AIFM2: variants seen among roughly 807,000 people sequenced by gnomAD.
AIFM2 encodes the protein ferroptosis suppressor protein 1.
Under a neutral mutation model 35.7 loss-of-function variants are expected in AIFM2, and 38 were observed. That is an observed-to-expected ratio of 1.06 (90% CI 0.82 to 1.39). The LOEUF (loss-of-function observed/expected upper bound fraction) is 1.39, where lower values mean the gene tolerates loss of function less well. Ranked by LOEUF, AIFM2 falls within the 40% of genes most tolerant of loss-of-function variation. The probability of loss-of-function intolerance (pLI) is 0.00; values close to 1 mark genes in which losing one functional copy is unlikely to be tolerated. For missense variants in AIFM2, 476 were observed against 491.2 expected (o/e 0.97, Z 0.29); for synonymous variants, 185 against 203.5 (o/e 0.91, Z 0.77).
At position 70,132,807 on chromosome 10, in the gene AIFM2, G is replaced by A. The variant is rs1392171447; in HGVS notation, c.-87C>T. 1 of 151,934 alleles carries A rather than the reference G, an allele frequency of 6.6e-6. No individual in the cohort carries two copies. Among genetic ancestry groups the A allele is most frequent in the African/African-American group, 2.5e-5 (1 of 40,564 alleles). The allele number at this position is 151,934 out of a possible 1,614,324, so 9.4% of individuals were successfully genotyped here. On this transcript the variant is annotated 5_prime_UTR_variant, in exon 1 of 9. Coordinates refer to ENST00000307864, the MANE Select transcript of AIFM2 (RefSeq NM_032797.6). ...CGCTCCCGCTTGGTCGTCTTCCCGAGTTACTGACCCGAGGCGCTCCCGGGC... is the reference window on the plus strand; with the variant it reads ...CGCTCCCGCTTGGTCGTCTTCCCGAATTACTGACCCGAGGCGCTCCCGGGC...
At chr10:70,126,419 C>T (rs2072566565) in intron 1 of AIFM2, among the ~76,000 whole-genome samples, 1 of 152,176 alleles carries the variant, frequency 6.6e-6, no homozygotes, top group Non-Finnish European at 1.5e-5. Context: ...GAAGGATAGA[C>T]ATCAAGCCAC....
At chr10:70,118,675 G>A (rs2072464853) in intron 5 of AIFM2, among the ~76,000 whole-genome samples, 1 of 152,208 alleles carries the variant, frequency 6.6e-6, no homozygotes, top group African/African-American at 2.4e-5. Context: ...GAAATAAGAA[G>A]AAAAGTATAT....
intron 3 of AIFM2, among the ~76,000 whole-genome samples, chr10:70,122,732 T>C (rs1052794168): frequency 2.0e-5 from 3 of 152,214 alleles, no homozygotes; most frequent in African/African-American, 4.8e-5. Context: ...TGGGCTAAAA[T>C]TGCATGGGTT....
At position 70,121,037 on chromosome 10, in the gene AIFM2, C is replaced by T. The variant is rs553698745; in HGVS notation, c.414+55G>A. ...TCCCAGCTGCAGGCCTAGGCATCCC[C>T]AAGGCTGTCCTTCCATCTGCCCACA... On this transcript the variant is annotated intron_variant, in intron 4 of 8. Coordinates refer to ENST00000307864, the MANE Select transcript of AIFM2 (RefSeq NM_032797.6). The T allele has an allele frequency of 4.1e-5, 65 of 1,585,472 alleles. No individual in the cohort carries two copies. In the African/African-American group the frequency reaches 7.5e-4, roughly 18 times the overall value.
chr10:70,115,083 G>A lies in AIFM2; in HGVS notation c.807C>T (p.Asn269=), dbSNP rs374671076. The change falls in exon 8 of 9, where the codon AAC becomes AAT. Residue 269 remains asparagine (N), a synonymous_variant. Coordinates refer to ENST00000307864, the MANE Select transcript of AIFM2 (RefSeq NM_032797.6). ...RLASSGALRV[N]EHLQVEGHSN... ...TGTGGCCCTCCACCTGGAGGTGCTC[G>A]TTCACTCTCAGAGCACCACTGCTGG... 6 of 1,613,928 alleles carry A rather than the reference G, an allele frequency of 3.7e-6. No individual in the cohort carries two copies. The highest frequency in any genetic ancestry group is 2.7e-5 in the African/African-American group (2 of 75,040).
chr10:70,120,735 C>T (rs967043129), intron 4 of AIFM2, 136 bp from the exon 5 acceptor site: 14 of 947,148 alleles, frequency 1.5e-5, no homozygotes, highest in Non-Finnish European at 2.0e-5. Flanking sequence ...TGAGTCCAAA[C>T]GTGCTTCCTC....
chr10:70,119,406 G>A (rs1343019937), intron 5 of AIFM2, among the ~76,000 whole-genome samples: 3 of 152,280 alleles, frequency 2.0e-5, no homozygotes, highest in East Asian at 1.9e-4. Flanking sequence ...GGGCAGGATC[G>A]TGGGACTGAG....
Position 70,117,709 on chromosome 10 carries a change from G to A in AIFM2, c.616+103C>T. On this transcript the variant is annotated intron_variant, in intron 6 of 8. Transcript: ENST00000307864. This position sits in a 1 kb window ranked among gnomAD's most constrained non-coding sequence, Gnocchi z 4.7. ...GACACAGTGGAAAAGAGAGAGCCTG[G>A]GGTGGACCATAGCCACCCTCCTGCT... 1.1e-6 allele frequency: 1 copy of A among 896,620 alleles called. No homozygotes were observed. Among genetic ancestry groups the A allele is most frequent in the Non-Finnish European group, 1.7e-6 (1 of 591,540 alleles). The allele number at this position is 896,620 out of a possible 1,614,324, so 55.5% of individuals were successfully genotyped here.
chr10:70,114,331 T>C lies in AIFM2; in HGVS notation c.971-2A>G. The C allele has an allele frequency of 6.2e-7, 1 of 1,613,862 alleles. No homozygotes were observed. Among genetic ancestry groups the C allele is most frequent in the South Asian group, 1.1e-5 (1 of 91,064 alleles). On this transcript the variant is annotated splice_acceptor_variant, in intron 8 of 8. Coordinates refer to ENST00000307864, the MANE Select transcript of AIFM2 (RefSeq NM_032797.6). LOFTEE classifies it high-confidence loss of function. The stretch of plus-strand genomic sequence containing the variant: ...TGGACAGGAGGAACGTCAGTGCACC[T>C]GCAAGCAGAGACACAGAAACAACCA...
At position 70,117,963 on chromosome 10, in the gene AIFM2, G is replaced by T; in HGVS notation, c.508-43C>A. On this transcript the variant is annotated intron_variant, in intron 5 of 8. Coordinates refer to ENST00000307864, the MANE Select transcript of AIFM2 (RefSeq NM_032797.6). The surrounding 1 kb of genome is among the most constrained non-coding windows in gnomAD (Gnocchi z 4.7). ...ACAGGGCCTGAGAAGGAGCCCCCAA[G>T]TCTTCAAACACAATCATTGCACGAA... is the stretch of plus-strand genomic sequence containing the variant. 7.0e-7 allele frequency: 1 copy of T among 1,426,074 alleles called. No homozygotes were observed. Among genetic ancestry groups the T allele is most frequent in the Non-Finnish European group, 9.8e-7 (1 of 1,017,276 alleles). 88.3% of individuals were successfully genotyped at this position (1,426,074 alleles called of 1,614,324 possible).
chr10:70,117,093 G>A lies in AIFM2; in HGVS notation c.617-319C>T, dbSNP rs1044189731. On this transcript the variant is annotated intron_variant, in intron 6 of 8. Coordinates refer to ENST00000307864, the MANE Select transcript of AIFM2 (RefSeq NM_032797.6). The surrounding 1 kb of genome is among the most constrained non-coding windows in gnomAD (Gnocchi z 4.7). ...GACGCGCCTCTTATGAGTGCCAGCC[G>A]TGCCATCCTAACTAGGCAGGACGAG... is the stretch of plus-strand genomic sequence containing the variant. 1.3e-5 allele frequency among the ~76,000 whole-genome samples: 2 copies of A among 152,192 alleles called. No homozygotes were observed. Among genetic ancestry groups the A allele is most frequent in the African/African-American group, 2.4e-5 (1 of 41,458 alleles).
intron 8 of AIFM2, 34 bp downstream of exon 8, chr10:70,114,884 CTA>C: frequency 6.2e-7 from 1 of 1,607,794 alleles, no homozygotes; most frequent in Non-Finnish European, 8.5e-7. Context: ...ACCCCAAACT[CTA>C]TTAAAACTGC....
intron 5 of AIFM2, among the ~76,000 whole-genome samples, chr10:70,119,164 C>G (rs750637645): frequency 6.6e-6 from 1 of 152,242 alleles, no homozygotes; most frequent in Non-Finnish European, 1.5e-5. Flanking sequence ...CAGGACCCTT[C>G]TAGACCACGC....
At chr10:70,125,220 A>C (rs2072551705) in intron 1 of AIFM2, among the ~76,000 whole-genome samples, 1 of 152,126 alleles carries the variant, frequency 6.6e-6, no homozygotes, top group Non-Finnish European at 1.5e-5. Context: ...ACTAAGACAA[A>C]TGTGGTGTGA....
intron 8 of AIFM2, 128 bp from the exon 9 acceptor site, chr10:70,114,457 G>T: frequency 6.7e-6 from 8 of 1,195,308 alleles, no homozygotes; most frequent in Middle Eastern, 2.0e-4. Context: ...TTAGGAAGGT[G>T]GGTGAGACCC....
At position 70,131,211 on chromosome 10, in the gene AIFM2, T is replaced by C. The variant is rs2072622850; in HGVS notation, c.-14+1523A>G. On this transcript the variant is annotated intron_variant, in intron 1 of 8. Transcript: ENST00000307864. This position sits in a 1 kb window ranked among gnomAD's most constrained non-coding sequence, Gnocchi z 4.1. ...ATATTACAAATAAAACACGATGCTT[T>C]TTGAGTCGTCATGGCTCACACAAAG... 6.6e-6 allele frequency among the ~76,000 whole-genome samples: 1 copy of C among 152,214 alleles called. No homozygotes were observed. The highest frequency in any genetic ancestry group is 2.4e-5 in the African/African-American group (1 of 41,454).
intron 7 of AIFM2, among the ~76,000 whole-genome samples, chr10:70,116,192 A>G (rs1442358002): frequency 1.3e-5 from 2 of 152,216 alleles, no homozygotes; most frequent in African/African-American, 2.4e-5. Flanking sequence ...AAACGAGGCC[A>G]TGTTACCAAC....
At chr10:70,127,789 G>C (rs1391562949) in intron 1 of AIFM2, among the ~76,000 whole-genome samples, 1 of 152,238 alleles carries the variant, frequency 6.6e-6, no homozygotes, top group Non-Finnish European at 1.5e-5. Context: ...CCTGTGAAGG[G>C]CCTGGGGCCT....
Position 70,117,379 on chromosome 10 carries a change from G to A in AIFM2, c.616+433C>T, listed in dbSNP as rs555183268. Among the ~76,000 whole-genome samples, 1 of 152,112 alleles carries A rather than the reference G, an allele frequency of 6.6e-6. No individual in the cohort carries two copies. Among genetic ancestry groups the A allele is most frequent in the Non-Finnish European group, 1.5e-5 (1 of 68,012 alleles). On this transcript the variant is annotated intron_variant, in intron 6 of 8. Transcript: ENST00000307864. The surrounding 1 kb of genome is among the most constrained non-coding windows in gnomAD (Gnocchi z 4.7). Reference sequence around the variant, plus strand: ...TTCCAGCATTTGCTGGGTGGGTCTCGTCCCCTGCTCTACAAGAAGGCCACA... The same window carrying A: ...TTCCAGCATTTGCTGGGTGGGTCTCATCCCCTGCTCTACAAGAAGGCCACA...
Sources: allele counts gnomAD v4.1 joint callset (sites outside exome capture counted in the v4.1 genomes callset), GRCh38; gene constraint gnomAD v4.1.1; non-coding constraint Gnocchi (gnomAD v3.1); transcripts MANE v1.5; gene names NCBI Gene and HGNC (gene_info 2026-07-23, HGNC 2026-07-21).